NRF1: variants seen among roughly 807,000 people sequenced by gnomAD.
NRF1 encodes alpha palindromic-binding protein.
A neutral mutation model predicts 58.5 loss-of-function variants in NRF1; 5 were observed. The observed-to-expected ratio is 0.09, with a 90% CI of 0.04 to 0.18. The LOEUF is 0.18. Ranked by LOEUF, NRF1 falls within the 10% of genes least tolerant of loss-of-function variation. The pLI is 1.00. For missense variants in NRF1, 288 were observed against 657.7 expected (o/e 0.44, Z 6.15); for synonymous variants, 224 against 246.7 (o/e 0.91, Z 0.86).
chr7:129,745,512 C>G (rs549849113), intron 10 of NRF1, among the ~76,000 whole-genome samples: 6 of 149,362 alleles, frequency 4.0e-5, no homozygotes, highest in African/African-American at 1.2e-4. Flanking sequence ...CTCAACCCCC[C>G]CCCCATCCAT....
chr7:129,709,957 C>T (rs1485077460), intron 6 of NRF1, among the ~76,000 whole-genome samples: 2 of 152,010 alleles, frequency 1.3e-5, no homozygotes, highest in South Asian at 2.1e-4. Flanking sequence ...CTCGAACTCC[C>T]GACCTCAGGC....
intron 2 of NRF1, among the ~76,000 whole-genome samples, chr7:129,662,757 TTTATTTA>T (rs1801815048): frequency 2.0e-5 from 3 of 152,158 alleles, no homozygotes; most frequent in Admixed American, 6.5e-5. Context: ...TATTTATTTA[TTTATTTA>T]TTTTAGTATT....
chr7:129,656,764 A>G (rs1584613012), intron 1 of NRF1, among the ~76,000 whole-genome samples: 1 of 152,114 alleles, frequency 6.6e-6, no homozygotes, highest in African/African-American at 2.4e-5. Context: ...TTTAATAGAG[A>G]CAGGGTTTTG....
At chr7:129,736,360 C>T (rs980882728) in intron 10 of NRF1, among the ~76,000 whole-genome samples, 3 of 146,866 alleles carry the variant, frequency 2.0e-5, no homozygotes, top group Non-Finnish European at 3.0e-5. Flanking sequence ...TAGCTCACTG[C>T]AACCTCCACC....
chr7:129,621,796 T>C (rs1800802700), intron 1 of NRF1, among the ~76,000 whole-genome samples: 1 of 151,492 alleles, frequency 6.6e-6, no homozygotes, highest in Non-Finnish European at 1.5e-5. Flanking sequence ...TTTTTTTTTT[T>C]TTTTGAGATA....
chr7:129,690,657 TG>T (rs1802545489), intron 5 of NRF1, 111 bp downstream of exon 5: 1 of 1,160,354 alleles, frequency 8.6e-7, no homozygotes, highest in Non-Finnish European at 1.2e-6. Context: ...GGGAGTGAGA[TG>T]CTGACTGGAG....
At chr7:129,623,097 G>C (rs1025449641) in intron 1 of NRF1, among the ~76,000 whole-genome samples, 4 of 152,204 alleles carry the variant, frequency 2.6e-5, no homozygotes, top group African/African-American at 9.6e-5. Context: ...TTGGAGTAAG[G>C]GTGTAAGGGC....
chr7:129,633,219 A>C (rs962241127), intron 1 of NRF1, among the ~76,000 whole-genome samples: 16 of 152,346 alleles, frequency 1.1e-4, no homozygotes, highest in African/African-American at 3.8e-4. Flanking sequence ...TTTTTCTAGT[A>C]AACAAATTTT....
chr7:129,705,536 T>C (rs1420636076), intron 5 of NRF1, among the ~76,000 whole-genome samples: 1 of 152,084 alleles, frequency 6.6e-6, no homozygotes, highest in Non-Finnish European at 1.5e-5. Context: ...GGCAGTCTGC[T>C]CTCCTTGACC....
intron 1 of NRF1, among the ~76,000 whole-genome samples, chr7:129,618,208 G>T (rs1800696039): frequency 6.6e-6 from 1 of 152,148 alleles, no homozygotes; most frequent in Non-Finnish European, 1.5e-5. Flanking sequence ...ATTGGGTGAT[G>T]ATGATGCCTT....
chr7:129,620,023 A>G (rs143714322), intron 1 of NRF1, among the ~76,000 whole-genome samples: 1 of 152,064 alleles, frequency 6.6e-6, no homozygotes, highest in African/African-American at 2.4e-5. Context: ...AGATTTTTCA[A>G]GGGGGCTGTT....
chr7:129,702,789 A>G (rs1433854827), intron 5 of NRF1, among the ~76,000 whole-genome samples: 1 of 152,158 alleles, frequency 6.6e-6, no homozygotes, highest in Non-Finnish European at 1.5e-5. Flanking sequence ...TAAATTTATT[A>G]TGTATTCTCT....
intron 5 of NRF1, among the ~76,000 whole-genome samples, chr7:129,700,851 G>C (rs1005635641): frequency 2.6e-5 from 4 of 152,186 alleles, no homozygotes; most frequent in African/African-American, 9.7e-5. Flanking sequence ...AGGAGTTCAA[G>C]GCTGCAGTGA....
At chr7:129,740,463 A>G (rs1803820549) in intron 10 of NRF1, among the ~76,000 whole-genome samples, 1 of 152,202 alleles carries the variant, frequency 6.6e-6, no homozygotes. Context: ...ATCTCCCACA[A>G]GGATCCCTAC....
chr7:129,752,345 T>A (rs1463168435), intron 10 of NRF1, among the ~76,000 whole-genome samples: 1 of 140,192 alleles, frequency 7.1e-6, no homozygotes, highest in South Asian at 2.3e-4. Flanking sequence ...GGCTGATAGA[T>A]TGGGGGAACT....
intron 3 of NRF1, among the ~76,000 whole-genome samples, chr7:129,676,580 G>T (rs920104847): frequency 3.9e-5 from 6 of 152,220 alleles, no homozygotes; most frequent in Middle Eastern, 3.2e-3. Context: ...TCTTTTGTGG[G>T]CACTGTCGTG....
chr7:129,676,351 C>T (rs1001796962), intron 3 of NRF1, among the ~76,000 whole-genome samples: 1 of 152,216 alleles, frequency 6.6e-6, no homozygotes, highest in Non-Finnish European at 1.5e-5. Context: ...ATGCCTTCCT[C>T]ACTAAGCTTA....
intron 1 of NRF1, among the ~76,000 whole-genome samples, chr7:129,641,461 A>G (rs1306200412): frequency 1.3e-5 from 2 of 152,162 alleles, no homozygotes; most frequent in East Asian, 3.9e-4. Flanking sequence ...CATATTGTCT[A>G]GGTTATAAAA....
intron 1 of NRF1, among the ~76,000 whole-genome samples, chr7:129,634,642 G>A (rs971480035): frequency 8.5e-5 from 13 of 152,214 alleles, no homozygotes; most frequent in African/African-American, 2.9e-4. Flanking sequence ...TAAAACTGCT[G>A]TGAATATTTA....
Sources: gnomAD v4.1 joint callset for allele counts (sites outside exome capture counted in the v4.1 genomes callset) on GRCh38, gnomAD v4.1.1 for gene constraint, MANE v1.5 for transcripts, NCBI Gene and HGNC (gene_info 2026-07-23, HGNC 2026-07-21) for gene names.